The following CDH12 variants were observed in gnomAD, a reference collection of about 807,000 sequenced individuals.
The protein encoded by CDH12 is cadherin-12.
A neutral mutation model predicts 74.1 loss-of-function variants in CDH12; 41 were observed. The ratio of observed to expected loss-of-function variants is 0.55; its 90% CI spans 0.43 to 0.72. The LOEUF is 0.72. Among genes scored for constraint, CDH12 ranks in the 30% least tolerant of loss-of-function variants. The pLI, the probability that CDH12 is intolerant of heterozygous loss-of-function variation, is 0.00. For missense variants in CDH12, 945 were observed against 977.2 expected, an observed-to-expected ratio of 0.97 and a Z score of 0.44; for synonymous variants, 399 against 355.0, an observed-to-expected ratio of 1.12 and a Z score of -1.39.
At chr5:22,433,758 A>G (rs1744267092) in intron 2 of CDH12, among the ~76,000 whole-genome samples, 1 of 152,190 alleles carries the variant, frequency 6.6e-6, no homozygotes, top group Non-Finnish European at 1.5e-5. Context: ...GAATTCAAAC[A>G]CAGGCAAGCT....
intron 4 of CDH12, among the ~76,000 whole-genome samples, chr5:22,100,591 T>G (rs1744082390): frequency 6.6e-6 from 1 of 151,632 alleles, no homozygotes; most frequent in Admixed American, 6.6e-5. Flanking sequence ...ATTCTGTTAC[T>G]CTCTATAAAA....
chr5:22,510,118 G>A (rs899836946), intron 1 of CDH12, among the ~76,000 whole-genome samples: 4 of 152,062 alleles, frequency 2.6e-5, no homozygotes, highest in Non-Finnish European at 2.9e-5. Flanking sequence ...AGAATAATCT[G>A]TAATAGACAC....
intron 1 of CDH12, among the ~76,000 whole-genome samples, chr5:22,689,645 AT>A (rs1431909713): frequency 1.3e-5 from 2 of 152,096 alleles, no homozygotes; most frequent in African/African-American, 4.8e-5. Context: ...GCTTAAATTG[AT>A]TGGGATAATA....
chr5:21,841,784 C>T (rs1206598840), intron 8 of CDH12, among the ~76,000 whole-genome samples: 7 of 148,288 alleles, frequency 4.7e-5, no homozygotes, highest in African/African-American at 1.7e-4. Flanking sequence ...CACATATTCT[C>T]ACTCATAGGT....
chr5:21,780,123 C>G (rs996462696), intron 11 of CDH12, among the ~76,000 whole-genome samples: 4 of 152,154 alleles, frequency 2.6e-5, no homozygotes, highest in African/African-American at 9.7e-5. Context: ...CCAGTTCTGC[C>G]TATGACCCAG....
At chr5:22,276,120 G>A (rs1435991311) in intron 3 of CDH12, among the ~76,000 whole-genome samples, 1 of 152,140 alleles carries the variant, frequency 6.6e-6, no homozygotes, top group African/African-American at 2.4e-5. Flanking sequence ...TTGATGCCAT[G>A]TAGACATGGA....
intron 1 of CDH12, among the ~76,000 whole-genome samples, chr5:22,802,927 T>C (rs1266241317): frequency 6.6e-6 from 1 of 152,164 alleles, no homozygotes; most frequent in African/African-American, 2.4e-5. Flanking sequence ...AGGGTAAACC[T>C]TCATATTCAG....
chr5:21,767,065 A>T (rs575017112), intron 11 of CDH12, among the ~76,000 whole-genome samples: 284 of 152,068 alleles, frequency 1.9e-3, no homozygotes, highest in Non-Finnish European at 3.3e-3. Context: ...TTACAAAAAG[A>T]CAACTAATTC....
intron 4 of CDH12, among the ~76,000 whole-genome samples, chr5:22,193,588 A>G (rs559604437): frequency 6.6e-6 from 1 of 152,280 alleles, no homozygotes; most frequent in Non-Finnish European, 1.5e-5. Flanking sequence ...TGTTATTATC[A>G]GAAATTATAG....
chr5:22,765,758 A>T (rs1237791899), intron 1 of CDH12, among the ~76,000 whole-genome samples: 2 of 151,930 alleles, frequency 1.3e-5, no homozygotes, highest in African/African-American at 2.4e-5. Flanking sequence ...TAAATTTACA[A>T]AATTTAGAAG....
chr5:22,163,427 A>T (rs1748478880), intron 4 of CDH12, among the ~76,000 whole-genome samples: 1 of 152,194 alleles, frequency 6.6e-6, no homozygotes, highest in Admixed American at 6.5e-5. Context: ...CAAACTTGGC[A>T]TGCACAAAAC....
At chr5:21,886,373 T>G (rs1752630608) in intron 6 of CDH12, among the ~76,000 whole-genome samples, 1 of 151,586 alleles carries the variant, frequency 6.6e-6, no homozygotes, top group Non-Finnish European at 1.5e-5. Context: ...TTATAAATTT[T>G]GCTCTTCTAT....
intron 14 of CDH12, 56 bp downstream of exon 14, chr5:21,755,535 G>A: frequency 1.3e-6 from 2 of 1,521,388 alleles, no homozygotes; most frequent in East Asian, 2.3e-5. Flanking sequence ...AGAGAGAGGG[G>A]AAAAAAAGGA....
intron 9 of CDH12, among the ~76,000 whole-genome samples, chr5:21,807,930 C>T (rs1460465680): frequency 1.3e-5 from 2 of 151,954 alleles, no homozygotes; most frequent in African/African-American, 2.4e-5. Flanking sequence ...GTGATCTAAC[C>T]AGGAGACCCC....
At chr5:22,580,062 G>T (rs1048630370) in intron 1 of CDH12, among the ~76,000 whole-genome samples, 8 of 152,054 alleles carry the variant, frequency 5.3e-5, no homozygotes, top group African/African-American at 1.9e-4. Context: ...AGCCAACGAT[G>T]CTCTGCAGAA....
At chr5:22,297,795 T>C (rs1005424351) in intron 3 of CDH12, among the ~76,000 whole-genome samples, 1 of 152,146 alleles carries the variant, frequency 6.6e-6, no homozygotes, top group African/African-American at 2.4e-5. Context: ...GCAATTGTTA[T>C]TGCTTATCTT....
Position 22,786,106 on chromosome 5 carries a change from C to T in CDH12, c.-523+66952G>A, listed in dbSNP as rs930987603. 3.4e-4 allele frequency among the ~76,000 whole-genome samples: 52 copies of T among 152,110 alleles called. 1 individual carries two copies. The highest frequency in any genetic ancestry group is 9.4e-4 in the African/African-American group (39 of 41,486). On this transcript the variant is annotated intron_variant, in intron 1 of 14. Transcript: ENST00000382254. ...AAGACTGGATAAAGAAAATGTGGCA[C>T]GTATACACCATGGAATACTATACAG...
intron 4 of CDH12, among the ~76,000 whole-genome samples, chr5:22,156,237 A>G (rs1229673746): frequency 6.6e-6 from 1 of 152,090 alleles, no homozygotes; most frequent in Non-Finnish European, 1.5e-5. Flanking sequence ...GTAGACAAGC[A>G]TATCACCTAA....
At chr5:22,221,079 T>C (rs576081238) in intron 3 of CDH12, among the ~76,000 whole-genome samples, 1 of 151,934 alleles carries the variant, frequency 6.6e-6, no homozygotes, top group South Asian at 2.1e-4. Flanking sequence ...TTTTGAATGA[T>C]CTGTTTTTTA....
Sources: allele counts gnomAD v4.1 joint callset (sites outside exome capture counted in the v4.1 genomes callset), GRCh38; gene constraint gnomAD v4.1.1; transcripts MANE v1.5; gene names NCBI Gene and HGNC (gene_info 2026-07-23, HGNC 2026-07-21).